Variants in ASB4 observed in about 807,000 individuals in gnomAD.
ASB4 encodes the protein ankyrin repeat and SOCS box containing 4, also known as ankyrin repeat and SOCS box protein 4.
Under a neutral mutation model 38.6 loss-of-function variants are expected in ASB4, and 35 were observed. The observed-to-expected ratio is 0.91, with a 90% CI of 0.69 to 1.20. The LOEUF (loss-of-function observed/expected upper bound fraction) is 1.20, where lower values mean the gene tolerates loss of function less well. Ranked by LOEUF, ASB4 falls within the 50% of genes most tolerant of loss-of-function variation. The probability of loss-of-function intolerance (pLI) is 0.00; values close to 1 mark genes in which losing one functional copy is unlikely to be tolerated. For synonymous variants in ASB4, 195 were observed against 201.3 expected, an observed-to-expected ratio of 0.97 and a Z score of 0.26; for missense variants, 557 against 527.2, an observed-to-expected ratio of 1.06 and a Z score of -0.55.
Position 95,495,783 on chromosome 7 carries a change from G to C in ASB4, c.213G>C (p.Leu71Phe). Residue 71 changes from leucine to phenylalanine, a missense_variant, in exon 2 of 5, where the codon TTG becomes TTC. Leu to Phe is a conservative substitution (Grantham distance 22, BLOSUM62 0). Transcript: ENST00000325885. Reference sequence around the variant, plus strand: ...GTTACTGGTTGCCTAGCTATAAATTGAAGTCTTCCTGGGCCACAGGCCTCC... The same window carrying C: ...GTTACTGGTTGCCTAGCTATAAATTCAAGTCTTCCTGGGCCACAGGCCTCC... ...KQGYWLPSYK[L>F]KSSWATGLHL... 6.7e-7 allele frequency: 1 copy of C among 1,489,730 alleles called. No individual in the cohort carries two copies. Among genetic ancestry groups the C allele is most frequent in the Non-Finnish European group, 9.2e-7 (1 of 1,084,096 alleles). 92.3% of individuals were successfully genotyped at this position (1,489,730 alleles called of 1,614,324 possible).
chr7:95,504,175 C>T (rs930736307), intron 2 of ASB4, among the ~76,000 whole-genome samples: 1 of 152,152 alleles, frequency 6.6e-6, no homozygotes, highest in African/African-American at 2.4e-5. Context: ...ATGAAAGCTG[C>T]CCGCTTTACT....
chr7:95,496,210 T>G (rs1790246329), intron 2 of ASB4, 153 bp downstream of exon 2: 1 of 606,242 alleles, frequency 1.6e-6, no homozygotes, highest in Admixed American at 3.0e-5. Flanking sequence ...GTTCTGTTGA[T>G]TCAGGTAATT....
Position 95,536,570 on chromosome 7 carries a change from C to A in ASB4, c.1092+20C>A. The stretch of plus-strand genomic sequence containing the variant: ...TTGGAGGTAAATAATCGATTCCCTT[C>A]TAATAGTTTTCACTATCAAGTACTT... On this transcript the variant is annotated intron_variant, in intron 4 of 4. Coordinates refer to ENST00000325885, the MANE Select transcript of ASB4 (RefSeq NM_016116.3). 6.5e-7 allele frequency: 1 copy of A among 1,534,656 alleles called. No homozygotes were observed. Among genetic ancestry groups the A allele is most frequent in the South Asian group, 1.1e-5 (1 of 88,722 alleles).
intron 2 of ASB4, among the ~76,000 whole-genome samples, chr7:95,511,572 G>A (rs1350805420): frequency 1.3e-5 from 2 of 151,804 alleles, no homozygotes; most frequent in Non-Finnish European, 2.9e-5. Context: ...TGAGGCAGGA[G>A]AATCTCTTGA....
the ASB4 span, among the ~76,000 whole-genome samples, chr7:95,547,366 G>T: frequency 6.6e-6 from 1 of 152,092 alleles, no homozygotes; most frequent in Non-Finnish European, 1.5e-5. Context: ...ACTTGGTTTT[G>T]AACTTCACAA....
intron 2 of ASB4, among the ~76,000 whole-genome samples, chr7:95,515,226 TTTCTTTTTCTTTCTTTCTTTCTTTCC>T (rs1790550094): frequency 7.8e-6 from 1 of 128,066 alleles, no homozygotes. Context: ...TCTTTCTTTC[TTTCTTTTTCTTTCTTTCTTTCTTTCC>T]TTCTTTCTTT....
upstream of ASB4, among the ~76,000 whole-genome samples, chr7:95,474,977 T>C (rs988945350): frequency 6.6e-6 from 1 of 152,182 alleles, no homozygotes; most frequent in Non-Finnish European, 1.5e-5. Flanking sequence ...AGGAGATACT[T>C]TTGCAATATG....
chr7:95,522,277 AT>A (rs1163695798), intron 2 of ASB4, among the ~76,000 whole-genome samples: 2 of 151,962 alleles, frequency 1.3e-5, no homozygotes, highest in African/African-American at 4.8e-5. Context: ...TTTACCAATA[AT>A]TTTTTTTATT....
At chr7:95,517,856 T>A (rs558784721) in intron 2 of ASB4, among the ~76,000 whole-genome samples, 1 of 151,456 alleles carries the variant, frequency 6.6e-6, no homozygotes, top group South Asian at 2.1e-4. Context: ...TAGAAAGAAA[T>A]TGGAGGTTAG....
intron 4 of ASB4, among the ~76,000 whole-genome samples, chr7:95,537,160 G>C (rs1213408163): frequency 6.6e-6 from 1 of 152,162 alleles, no homozygotes; most frequent in Non-Finnish European, 1.5e-5. Context: ...CTGTGGCTTA[G>C]GTGTAATCTT....
intron 2 of ASB4, among the ~76,000 whole-genome samples, chr7:95,526,203 C>A (rs1790733987): frequency 6.6e-6 from 1 of 152,154 alleles, no homozygotes; most frequent in Admixed American, 6.5e-5. Flanking sequence ...CTTGGTTCAA[C>A]AATGAGGAAG....
chr7:95,544,126 G>A (rs1193938640), downstream of ASB4: 2 of 152,040 alleles, frequency 1.3e-5, no homozygotes, highest in Non-Finnish European at 2.9e-5. Flanking sequence ...GAGCAACAAA[G>A]GGGATGATAG....
In ASB4 at chr7:95,515,243, CTTTCTTTCCT is replaced by C. The variant is rs1220715685; in HGVS notation, c.488-12568_488-12559del. On this transcript the variant is annotated intron_variant, in intron 2 of 4. Coordinates refer to ENST00000325885, the MANE Select transcript of ASB4 (RefSeq NM_016116.3). ...TTTCTTTCTTTCTTTTTCTTTCTTT[CTTTCTTTCCT>C]TCTTTCTTTCTTTCTCTTTCTTTCT... 3.6e-3 allele frequency among the ~76,000 whole-genome samples: 430 copies of C among 119,870 alleles called. 3 individuals are homozygous for C. The highest frequency in any genetic ancestry group is 6.6e-3 in the South Asian group (24 of 3,630). 78.6% of individuals were successfully genotyped at this position (119,870 alleles called of 152,430 possible).
chr7:95,515,167 C>CTCTTTCTTTCTTTCTTTCTT (rs71127411), intron 2 of ASB4, among the ~76,000 whole-genome samples: 2 of 89,754 alleles, frequency 2.2e-5, no homozygotes, highest in Non-Finnish European at 4.6e-5. Flanking sequence ...CTTTCTCTTT[C>CTCTTTCTTTCTTTCTTTCTT]TCTTTCTTTC....
intron 2 of ASB4, among the ~76,000 whole-genome samples, chr7:95,521,575 A>G (rs1790662255): frequency 6.6e-6 from 1 of 152,072 alleles, no homozygotes; most frequent in Admixed American, 6.6e-5. Flanking sequence ...ACTACTGCAC[A>G]GTTTGAAAGA....
downstream of ASB4, chr7:95,540,298 A>C (rs1026707928): frequency 1.7e-4 from 26 of 152,202 alleles, no homozygotes; most frequent in African/African-American, 6.0e-4. Flanking sequence ...CAGCAATGAC[A>C]CTGAAGAACT....
Position 95,536,489 on chromosome 7 carries a change from C to T in ASB4, c.1031C>T (p.Ala344Val). ...CPKAIEVVVNAYEHIRWNTKW... is the reference protein window; with the variant it reads ...CPKAIEVVVNVYEHIRWNTKW... ...AAAGCAATTGAAGTTGTAGTCAATG[C>T]CTATGAACACATCAGATGGAACACA... Residue 344 changes from alanine to valine, a missense_variant, in exon 4 of 5, where the codon GCC (alanine) becomes GTC (valine). Transcript: ENST00000325885. 1 of 1,613,372 alleles carries T rather than the reference C, an allele frequency of 6.2e-7. No homozygotes were observed. Among genetic ancestry groups the T allele is most frequent in the South Asian group, 1.1e-5 (1 of 91,038 alleles).
At chr7:95,471,633 G>C in the ASB4 span, among the ~76,000 whole-genome samples, 1 of 151,930 alleles carries the variant, frequency 6.6e-6, no homozygotes, top group African/African-American at 2.4e-5. Flanking sequence ...TCTAATTTTG[G>C]CCCTTAATTG....
intron 2 of ASB4, among the ~76,000 whole-genome samples, chr7:95,501,267 T>G (rs1790333192): frequency 6.6e-6 from 1 of 152,206 alleles, no homozygotes; most frequent in Non-Finnish European, 1.5e-5. Context: ...AAATGTTTCT[T>G]AGCAGAATGT....
Sources: allele counts gnomAD v4.1 joint callset (sites outside exome capture counted in the v4.1 genomes callset), GRCh38; gene constraint gnomAD v4.1.1; transcripts MANE v1.5; gene names NCBI Gene and HGNC (gene_info 2026-07-23, HGNC 2026-07-21).